GDA: variants seen among roughly 807,000 people sequenced by gnomAD.
GDA encodes the protein cytoplasmic PSD-95 interactor.
Under a neutral mutation model 59.6 loss-of-function variants are expected in GDA, and 18 were observed. The observed-to-expected ratio is 0.30, with a 90% confidence interval of 0.21 to 0.45. GDA has a LOEUF of 0.45. Ranked by LOEUF, GDA falls within the 20% of genes least tolerant of loss-of-function variation. GDA has a pLI of 1.00. For synonymous variants in GDA, 201 were observed against 201.1 expected (o/e 1.00, Z 0.00); for missense variants, 427 against 552.3 (o/e 0.77, Z 2.27).
intron 8 of GDA, among the ~76,000 whole-genome samples, chr9:72,226,914 G>A (rs35458310): frequency 0.18 from 27,006 of 151,964 alleles, 2,742 homozygotes; most frequent in Middle Eastern, 0.29. Flanking sequence ...TCAGGAGATC[G>A]AGACCATCCT....
Position 72,245,257 on chromosome 9 carries a change from CT to C in GDA, c.1251del (p.Phe417LeufsTer15). 6.2e-7 allele frequency: 1 copy of C among 1,610,650 alleles called. No individual in the cohort carries two copies. Among genetic ancestry groups the C allele is most frequent in the Non-Finnish European group, 8.5e-7 (1 of 1,177,016 alleles). On this transcript the variant is annotated frameshift_variant, in exon 12 of 14. Coordinates refer to ENST00000358399, the MANE Select transcript of GDA (RefSeq NM_004293.5). LOFTEE classifies it high-confidence loss of function. ...DSPIDLFYGDFFGDISEAVIQ... is the reference protein window; with the variant it reads ...DSPIDLFYGDXFGDISEAVIQ... ...CTCCCATTGACCTGTTTTATGGGGA[CT>C]TTTTTGGTGATATTTCTGAGGTAAG...
At chr9:72,207,573 T>C (rs1383082393) in intron 3 of GDA, among the ~76,000 whole-genome samples, 1 of 152,208 alleles carries the variant, frequency 6.6e-6, no homozygotes. Context: ...ACCCATACAC[T>C]TTTCTAGTTG....
chr9:72,250,246 A>G lies in GDA; in HGVS notation c.*1904A>G. 1.0e-6 allele frequency: 1 copy of G among 990,498 alleles called. No individual in the cohort carries two copies. The highest frequency in any genetic ancestry group is 1.2e-6 in the Non-Finnish European group (1 of 833,234). 61.4% of individuals were successfully genotyped at this position (990,498 alleles called of 1,614,324 possible). Reference sequence around the variant, plus strand: ...AATTTAGATGAGATGTGTAAGATTCACTTACAGGCAGTAGCTGCTTCTAGC... The same window carrying G: ...AATTTAGATGAGATGTGTAAGATTCGCTTACAGGCAGTAGCTGCTTCTAGC... On this transcript the variant is annotated 3_prime_UTR_variant, in exon 14 of 14. Coordinates refer to ENST00000358399, the MANE Select transcript of GDA (RefSeq NM_004293.5).
intron 1 of GDA, among the ~76,000 whole-genome samples, chr9:72,133,417 C>A (rs1826108316): frequency 6.6e-6 from 1 of 151,518 alleles, no homozygotes; most frequent in African/African-American, 2.4e-5. Flanking sequence ...AGCAGGTCAG[C>A]TATTTTATTA....
intron 1 of GDA, among the ~76,000 whole-genome samples, chr9:72,180,537 A>C (rs988887788): frequency 2.6e-5 from 4 of 152,152 alleles, no homozygotes. Flanking sequence ...TGCTTTTCCT[A>C]AATTAATTCT....
At chr9:72,213,712 A>T (rs1216597686) in intron 4 of GDA, among the ~76,000 whole-genome samples, 174 bp from the exon 5 acceptor site, 3 of 151,622 alleles carry the variant, frequency 2.0e-5, no homozygotes, top group East Asian at 3.9e-4. Context: ...CTGAGGCAGG[A>T]GAATGGCATG....
upstream of GDA, among the ~76,000 whole-genome samples, chr9:72,148,782 C>A (rs953051562): frequency 2.0e-5 from 3 of 152,148 alleles, no homozygotes; most frequent in African/African-American, 7.2e-5. Context: ...AATTCAGCAC[C>A]CATGGTACCA....
chr9:72,151,911 T>A (rs1827263566), intron 1 of GDA, among the ~76,000 whole-genome samples: 1 of 152,198 alleles, frequency 6.6e-6, no homozygotes, highest in East Asian at 1.9e-4. Flanking sequence ...CAATGATCTG[T>A]AAATTTTTAC....
chr9:72,166,278 A>G (rs774059995), intron 1 of GDA, among the ~76,000 whole-genome samples: 2 of 152,224 alleles, frequency 1.3e-5, no homozygotes, highest in Non-Finnish European at 2.9e-5. Context: ...GTGAGAAGAC[A>G]ATAAGGGAAC....
In GDA at chr9:72,223,153, T is replaced by G; in HGVS notation, c.640T>G (p.Phe214Val). The change falls in exon 7 of 14, where the codon TTT (phenylalanine) becomes GTT (valine). Residue 214 changes from phenylalanine (F) to valine (V), a missense_variant. Physicochemically the swap from Phe to Val is conservative, Grantham distance 50. Coordinates refer to ENST00000358399, the MANE Select transcript of GDA (RefSeq NM_004293.5). ...AGTGAAGCCCATAGTGACACCACGT[T>G]TTTCCCTCTCCTGCTCTGAGACTTT... ...SRVKPIVTPRFSLSCSETLMG... is the reference protein window; with the variant it reads ...SRVKPIVTPRVSLSCSETLMG... 6.2e-7 allele frequency: 1 copy of G among 1,611,576 alleles called. No homozygotes were observed. The highest frequency in any genetic ancestry group is 1.3e-5 in the African/African-American group (1 of 75,006).
At chr9:72,158,821 C>A (rs1828255920) in intron 1 of GDA, among the ~76,000 whole-genome samples, 1 of 152,098 alleles carries the variant, frequency 6.6e-6, no homozygotes, top group African/African-American at 2.4e-5. Flanking sequence ...GTATTTCAGA[C>A]AGTCTGCCAA....
chr9:72,137,249 T>C (rs1274224559), intron 1 of GDA, among the ~76,000 whole-genome samples: 13 of 129,272 alleles, frequency 1.0e-4, no homozygotes, highest in African/African-American at 2.3e-4. Flanking sequence ...TTTCTTTTTT[T>C]TTTTTTTTTT....
chr9:72,235,563 A>G (rs7847604), intron 10 of GDA, among the ~76,000 whole-genome samples: 68,080 of 151,842 alleles, frequency 0.45, 15,393 homozygotes, highest in East Asian at 0.55. Context: ...TGGGTGTGGT[A>G]GCATGTGCCT....
At chr9:72,208,760 T>TA (rs1380252329) in intron 3 of GDA, among the ~76,000 whole-genome samples, 1 of 152,226 alleles carries the variant, frequency 6.6e-6, no homozygotes, top group Non-Finnish European at 1.5e-5. Flanking sequence ...TATAAAATTA[T>TA]ATGTTAAAAA....
downstream of GDA, among the ~76,000 whole-genome samples, chr9:72,255,309 T>G (rs905875256): frequency 6.6e-6 from 1 of 152,166 alleles, no homozygotes; most frequent in African/African-American, 2.4e-5. Context: ...CCTCATAGCT[T>G]TTGTAAATTG....
chr9:72,246,463 TTA>T (rs1176157890), intron 12 of GDA, among the ~76,000 whole-genome samples: 1 of 152,172 alleles, frequency 6.6e-6, no homozygotes, highest in African/African-American at 2.4e-5. Flanking sequence ...AATATAAATT[TTA>T]TGTGACATAG....
intron 1 of GDA, among the ~76,000 whole-genome samples, chr9:72,182,166 A>G (rs1831308347): frequency 6.6e-6 from 1 of 152,168 alleles, no homozygotes; most frequent in Non-Finnish European, 1.5e-5. Flanking sequence ...GGAAATTAAC[A>G]TAGGTATAAT....
At chr9:72,159,422 G>A (rs1000720428) in intron 1 of GDA, among the ~76,000 whole-genome samples, 3 of 151,876 alleles carry the variant, frequency 2.0e-5, no homozygotes, top group Admixed American at 2.0e-4. Context: ...AAAAAAATGA[G>A]TGATAGAACA....
chr9:72,212,115 C>T, intron 4 of GDA, among the ~76,000 whole-genome samples: 1 of 152,188 alleles, frequency 6.6e-6, no homozygotes, highest in Non-Finnish European at 1.5e-5. Flanking sequence ...TTGATGAGGA[C>T]TAGGTTCTAG....
Sources: gnomAD v4.1 joint callset for allele counts (sites outside exome capture counted in the v4.1 genomes callset) on GRCh38, gnomAD v4.1.1 for gene constraint, MANE v1.5 for transcripts, NCBI Gene and HGNC (gene_info 2026-07-23, HGNC 2026-07-21) for gene names.